STARD13: variants seen among roughly 807,000 people sequenced by gnomAD.
STARD13 encodes the protein StAR related lipid transfer domain containing 13.
Under a neutral mutation model 106.4 loss-of-function variants are expected in STARD13, and 62 were observed. That is an observed-to-expected ratio of 0.58 (90% CI 0.48 to 0.72). STARD13 has a LOEUF of 0.72. STARD13 is among the 30% of genes least tolerant of loss of function. The probability of loss-of-function intolerance (pLI) is 0.00; values close to 1 mark genes in which losing one functional copy is unlikely to be tolerated. For synonymous variants in STARD13, 565 were observed against 553.0 expected (o/e 1.02, Z -0.31); for missense variants, 1,387 against 1,424.0 (o/e 0.97, Z 0.42).
chr13:33,508,056 G>A, the STARD13 span, among the ~76,000 whole-genome samples: 1 of 152,106 alleles, frequency 6.6e-6, no homozygotes, highest in Non-Finnish European at 1.5e-5. Context: ...ACTAAAGTGT[G>A]TTTAGGTATC....
At chr13:33,667,104 A>T in the STARD13 span, among the ~76,000 whole-genome samples, 1 of 152,234 alleles carries the variant, frequency 6.6e-6, no homozygotes, top group Non-Finnish European at 1.5e-5. Context: ...TATTAACCAC[A>T]TATATTTTCC....
the STARD13 span, among the ~76,000 whole-genome samples, chr13:33,493,487 G>A: frequency 6.6e-6 from 1 of 152,122 alleles, no homozygotes; most frequent in Non-Finnish European, 1.5e-5. Flanking sequence ...CATAGCAAAT[G>A]CAGATAATAG....
chr13:33,356,851 A>T, the STARD13 span, among the ~76,000 whole-genome samples: 1 of 152,202 alleles, frequency 6.6e-6, no homozygotes, highest in Non-Finnish European at 1.5e-5. Context: ...TGGATGTGGG[A>T]GGTACGAGAA....
the STARD13 span, among the ~76,000 whole-genome samples, chr13:33,361,626 TG>T: frequency 2.0e-5 from 3 of 152,216 alleles, no homozygotes; most frequent in African/African-American, 7.2e-5. Context: ...ACAGGAAGCA[TG>T]GCTGGGAGGC....
At chr13:33,524,372 C>G in the STARD13 span, 1 of 821,300 alleles carries the variant, frequency 1.2e-6, no homozygotes, top group African/African-American at 1.8e-5. Flanking sequence ...TTTATAGAAT[C>G]CTGTAAAAAA....
chr13:33,326,030 A>AATAT (rs2077771832), intron 1 of STARD13, among the ~76,000 whole-genome samples: 1 of 151,304 alleles, frequency 6.6e-6, no homozygotes, highest in Non-Finnish European at 1.5e-5. Flanking sequence ...AAGCTGAAAG[A>AATAT]ATATATAATT....
chr13:33,211,997 T>C (rs1292127364), intron 1 of STARD13, among the ~76,000 whole-genome samples: 2 of 152,200 alleles, frequency 1.3e-5, no homozygotes, highest in Non-Finnish European at 2.9e-5. Flanking sequence ...TCAGACTTAC[T>C]CTGTTCATTG....
At chr13:33,545,184 TC>T in the STARD13 span, among the ~76,000 whole-genome samples, 1 of 152,102 alleles carries the variant, frequency 6.6e-6, no homozygotes, top group East Asian at 1.9e-4. Context: ...GGTCTCGAAT[TC>T]CTGACCTCAG....
chr13:33,373,855 A>G, the STARD13 span, among the ~76,000 whole-genome samples: 5 of 152,310 alleles, frequency 3.3e-5, no homozygotes, highest in African/African-American at 1.2e-4. Context: ...GTAGAATGGC[A>G]AAGCCACTGT....
chr13:33,194,041 C>T lies in STARD13; in HGVS notation c.170-26419G>A, dbSNP rs564847486. 5.3e-5 allele frequency among the ~76,000 whole-genome samples: 8 copies of T among 152,062 alleles called. No individual in the cohort carries two copies. In the South Asian group the frequency reaches 1.7e-3, roughly 32 times the overall value. ...CTGTTACAAACTAGTCCAGAATGATCCCAGAGACCTCAAGGAGTGTTAGAG... is the reference window on the plus strand; with the variant it reads ...CTGTTACAAACTAGTCCAGAATGATTCCAGAGACCTCAAGGAGTGTTAGAG... On this transcript the variant is annotated intron_variant, in intron 1 of 13. Coordinates refer to ENST00000336934, the MANE Select transcript of STARD13 (RefSeq NM_178006.4).
Position 33,129,412 on chromosome 13 carries a change from T to C in STARD13, c.1265A>G (p.Asn422Ser), listed in dbSNP as rs866570124. 2 of 1,614,148 alleles carry C rather than the reference T, an allele frequency of 1.2e-6. No homozygotes were observed. Among genetic ancestry groups the C allele is most frequent in the Admixed American group, 1.7e-5 (1 of 60,026 alleles). The change falls in exon 5 of 14, where the codon AAT becomes AGT. Residue 422 changes from asparagine (N) to serine (S), a missense_variant. Transcript: ENST00000336934. ...GCTACCGGTCCTCCAATTAACCCCA[T>C]TGCTACTATCTGTGGGAGAGAGGCT... ...IESLSPTDSS[N>S]GVNWRTGSIS...
the STARD13 span, among the ~76,000 whole-genome samples, chr13:33,480,106 G>T: frequency 6.6e-6 from 1 of 152,138 alleles, no homozygotes; most frequent in Admixed American, 6.6e-5. Flanking sequence ...AGGACAGAAG[G>T]AATACTTGTA....
the STARD13 span, among the ~76,000 whole-genome samples, chr13:33,554,064 T>G: frequency 6.6e-6 from 1 of 152,140 alleles, no homozygotes; most frequent in Non-Finnish European, 1.5e-5. Context: ...TGAATTTCAA[T>G]TATATCTTCT....
intron 5 of STARD13, 142 bp from the exon 6 acceptor site, chr13:33,127,688 A>G (rs1274963397): frequency 3.4e-5 from 25 of 742,392 alleles, no homozygotes; most frequent in Non-Finnish European, 2.6e-5. Flanking sequence ...CAGAAGACAC[A>G]AGTGTGCAGA....
At chr13:33,330,827 T>C (rs2077828102) in intron 1 of STARD13, among the ~76,000 whole-genome samples, 1 of 152,158 alleles carries the variant, frequency 6.6e-6, no homozygotes, top group Non-Finnish European at 1.5e-5. Context: ...ACCCAGAATT[T>C]CCAGGAGCTC....
intron 1 of STARD13, among the ~76,000 whole-genome samples, chr13:33,292,455 G>T (rs1009369984): frequency 9.3e-5 from 14 of 151,350 alleles, no homozygotes; most frequent in African/African-American, 3.4e-4. Context: ...ACAAAACTTA[G>T]CCAGGCATGG....
At chr13:33,389,554 G>A in the STARD13 span, among the ~76,000 whole-genome samples, 1 of 151,826 alleles carries the variant, frequency 6.6e-6, no homozygotes, top group African/African-American at 2.4e-5. Flanking sequence ...TAATAATATG[G>A]GTTTACAATC....
chr13:33,303,125 C>A lies in STARD13; in HGVS notation c.124+47165G>T, dbSNP rs117971288. 9.2e-3 allele frequency among the ~76,000 whole-genome samples: 1,406 copies of A among 152,294 alleles called. 5 individuals are homozygous for A. The highest frequency in any genetic ancestry group is 0.015 in the Non-Finnish European group (1,035 of 68,026). ...CTCAGAGGCCCCCTTCTCTAGGATA[C>A]CTTCCCAGGCCCCTCATGTGTACGC... On this transcript the variant is annotated intron_variant, in intron 1 of 5. Transcript: ENST00000567873.
intron 1 of STARD13, among the ~76,000 whole-genome samples, chr13:33,226,825 G>A (rs1223009539): frequency 6.6e-6 from 1 of 152,178 alleles, no homozygotes; most frequent in Non-Finnish European, 1.5e-5. Flanking sequence ...TAGTCCAAGC[G>A]ATGTTTAGGT....
Sources: allele counts gnomAD v4.1 joint callset (sites outside exome capture counted in the v4.1 genomes callset), GRCh38; gene constraint gnomAD v4.1.1; transcripts MANE v1.5; gene names NCBI Gene and HGNC (gene_info 2026-07-23, HGNC 2026-07-21).